WBP2NL: variants seen among roughly 807,000 people sequenced by gnomAD.
The protein encoded by WBP2NL is postacrosomal sheath WW domain-binding protein.
A neutral mutation model predicts 23.3 loss-of-function variants in WBP2NL; 27 were observed. The observed-to-expected ratio is 1.16, with a 90% CI of 0.85 to 1.60. The LOEUF is 1.60. WBP2NL is among the 40% of genes most tolerant of loss of function. WBP2NL has a pLI of 0.00. For synonymous variants in WBP2NL, 151 were observed against 145.9 expected (o/e 1.03, Z -0.25); for missense variants, 370 against 389.5 (o/e 0.95, Z 0.42).
intron 4 of WBP2NL, among the ~76,000 whole-genome samples, 179 bp from the exon 5 acceptor site, chr22:42,022,070 G>A (rs1057349221): frequency 2.0e-5 from 3 of 152,036 alleles, no homozygotes; most frequent in African/African-American, 7.2e-5. Context: ...AAAATGTTGG[G>A]ATTACAGGTG....
chr22:42,032,434 A>G (rs1454549613), downstream of WBP2NL: 2 of 189,366 alleles, frequency 1.1e-5, no homozygotes. Flanking sequence ...CATCACCTCT[A>G]TCTCTTAAGC....
At chr22:42,050,799 C>T (rs1159719981) in intron 8 of WBP2NL, among the ~76,000 whole-genome samples, 1 of 151,902 alleles carries the variant, frequency 6.6e-6, no homozygotes, top group African/African-American at 2.4e-5. Flanking sequence ...AAAACAGATA[C>T]TATTATACAC....
chr22:42,009,137 A>G (rs932108546), intron 1 of WBP2NL, among the ~76,000 whole-genome samples: 13 of 151,998 alleles, frequency 8.6e-5, no homozygotes, highest in African/African-American at 3.1e-4. Flanking sequence ...GCTGGTCTTG[A>G]ACTACTGACC....
intron 1 of WBP2NL, among the ~76,000 whole-genome samples, chr22:42,014,733 A>G (rs953674033): frequency 1.2e-4 from 19 of 152,184 alleles, no homozygotes; most frequent in African/African-American, 4.6e-4. Context: ...GCCTGCCAAA[A>G]TTGGCTGTTG....
At position 42,002,017 on chromosome 22, in the gene WBP2NL, C is replaced by T. The variant is rs1921752207; in HGVS notation, c.62+3137C>T. 7.3e-6 allele frequency: 5 copies of T among 683,044 alleles called. No individual in the cohort carries two copies. In the East Asian group the frequency reaches 1.5e-4, roughly 20 times the overall value. The allele number at this position is 683,044 out of a possible 1,614,324, so 42.3% of individuals were successfully genotyped here. A position where few individuals can be genotyped will look rare whatever the true frequency, so the allele number is the denominator to read the frequency against. On this transcript the variant is annotated intron_variant, in intron 1 of 5. Coordinates refer to ENST00000328823, the MANE Select transcript of WBP2NL (RefSeq NM_152613.3). Reference sequence around the variant, plus strand: ...GGGATGGGACTGGTCCGAGAATCGGCTTTGACTCCGGGGCTGATTGTGAAG... The same window carrying T: ...GGGATGGGACTGGTCCGAGAATCGGTTTTGACTCCGGGGCTGATTGTGAAG...
chr22:42,042,837 T>C (rs1000823772), intron 8 of WBP2NL, among the ~76,000 whole-genome samples: 1 of 151,960 alleles, frequency 6.6e-6, no homozygotes, highest in Admixed American at 6.6e-5. Flanking sequence ...GGTGGGCAGA[T>C]CACTTGAGCC....
chr22:42,022,373 A>G lies in WBP2NL; in HGVS notation c.514+17A>G, dbSNP rs1221789685. The G allele has an allele frequency of 1.3e-6, 2 of 1,589,916 alleles. No individual in the cohort carries two copies. Among genetic ancestry groups the G allele is most frequent in the South Asian group, 1.1e-5 (1 of 88,140 alleles). The stretch of plus-strand genomic sequence containing the variant: ...CTTGTTCAGGTAAGGTATGGCAGAG[A>G]GGTTCTTCCTGGAAGGTGGAAAATT... On this transcript the variant is annotated intron_variant, in intron 5 of 5. Transcript: ENST00000328823.
chr22:42,008,171 C>CTT (rs1922467904), intron 1 of WBP2NL, among the ~76,000 whole-genome samples: 3 of 141,596 alleles, frequency 2.1e-5, no homozygotes, highest in African/African-American at 8.2e-5. Context: ...CCTTTCCTTT[C>CTT]TCCCTCCCTT....
chr22:42,035,773 A>C (rs1260548259), downstream of WBP2NL, among the ~76,000 whole-genome samples: 6 of 152,190 alleles, frequency 3.9e-5, no homozygotes. Context: ...TATTACCTGT[A>C]TATAGTTACC....
At chr22:42,041,272 A>C (rs902274241) in intron 8 of WBP2NL, among the ~76,000 whole-genome samples, 2 of 152,152 alleles carry the variant, frequency 1.3e-5, no homozygotes, top group Non-Finnish European at 2.9e-5. Context: ...TCACGAGGTC[A>C]AGAGAGCGAG....
At chr22:42,056,298 C>G (rs6002589) in intron 8 of WBP2NL, among the ~76,000 whole-genome samples, 27 of 152,178 alleles carry the variant, frequency 1.8e-4, no homozygotes, top group African/African-American at 6.5e-4. Context: ...TCTTATATAG[C>G]TGTTCCCCTC....
intron 1 of WBP2NL, among the ~76,000 whole-genome samples, chr22:42,004,800 TGTAATCCCAACTAC>T (rs1922055472): frequency 3.3e-5 from 5 of 152,192 alleles, no homozygotes; most frequent in Admixed American, 2.6e-4. Context: ...TGGTGATACC[TGTAATCCCAACTAC>T]TCGGGAGGCC....
intron 4 of WBP2NL, among the ~76,000 whole-genome samples, chr22:42,021,426 T>C (rs921456675): frequency 6.6e-6 from 1 of 152,152 alleles, no homozygotes; most frequent in Non-Finnish European, 1.5e-5. Context: ...TCAGAATCTG[T>C]GACTGTTACG....
At chr22:42,020,868 G>GTGTATA (rs1556297174) in intron 4 of WBP2NL, among the ~76,000 whole-genome samples, 3 of 15,236 alleles carry the variant, frequency 2.0e-4, no homozygotes, top group Non-Finnish European at 3.0e-4. Flanking sequence ...GTGTGTGTGT[G>GTGTATA]TATATATATA....
At chr22:42,018,946 C>T (rs988197066) in intron 1 of WBP2NL, among the ~76,000 whole-genome samples, 3 of 150,082 alleles carry the variant, frequency 2.0e-5, no homozygotes, top group African/African-American at 4.9e-5. Flanking sequence ...CATTAAGGGC[C>T]GGGCACGGTG....
chr22:42,053,969 A>T (rs534829909), intron 8 of WBP2NL, among the ~76,000 whole-genome samples: 19 of 150,644 alleles, frequency 1.3e-4, no homozygotes, highest in African/African-American at 3.4e-4. Flanking sequence ...TTTTTTATTT[A>T]AAAAAAAATG....
intron 1 of WBP2NL, chr22:42,002,081 G>T (rs935626018): frequency 2.6e-5 from 11 of 430,534 alleles, no homozygotes; most frequent in Admixed American, 3.9e-5. Flanking sequence ...TCTCACTCGG[G>T]CTATGGGTGT....
intron 8 of WBP2NL, among the ~76,000 whole-genome samples, chr22:42,040,547 A>G (rs769378763): frequency 2.6e-4 from 39 of 152,178 alleles, no homozygotes; most frequent in African/African-American, 9.2e-4. Flanking sequence ...CTTTTTAAAC[A>G]TAGGTGTTTA....
At position 42,024,189 on chromosome 22, in the gene WBP2NL, A is replaced by T. The variant is rs1406641356; in HGVS notation, c.514+1833A>T. Among the ~76,000 whole-genome samples, 2 of 152,226 alleles carry T rather than the reference A, an allele frequency of 1.3e-5. 1 individual carries two copies. Among genetic ancestry groups the T allele is most frequent in the Non-Finnish European group, 2.9e-5 (2 of 68,044 alleles). On this transcript the variant is annotated intron_variant, in intron 5 of 5. Transcript: ENST00000328823. ...AATACTTCATTTCTTTTCCTGGCTGAATAATACTCCATTGTACATATATAC... is the reference window on the plus strand; with the variant it reads ...AATACTTCATTTCTTTTCCTGGCTGTATAATACTCCATTGTACATATATAC...
Sources: gnomAD v4.1 joint callset for allele counts (sites outside exome capture counted in the v4.1 genomes callset) on GRCh38, gnomAD v4.1.1 for gene constraint, MANE v1.5 for transcripts, NCBI Gene and HGNC (gene_info 2026-07-23, HGNC 2026-07-21) for gene names.